The following ODF2L variants were observed in gnomAD, a reference collection of about 807,000 sequenced individuals.
ODF2L encodes the protein outer dense fiber of sperm tails 2 like, also known as protein BCAP.
In ODF2L, 76 loss-of-function variants were observed where a neutral mutation model predicts 86.3. The ratio of observed to expected loss-of-function variants is 0.88; its 90% confidence interval spans 0.73 to 1.07. ODF2L has a LOEUF of 1.07. Among genes scored for constraint, ODF2L ranks in the 50% least tolerant of loss-of-function variants. The probability of loss-of-function intolerance (pLI) is 0.00; values close to 1 mark genes in which losing one functional copy is unlikely to be tolerated. For missense variants in ODF2L, 748 were observed against 717.4 expected (o/e 1.04, Z -0.49); for synonymous variants, 241 against 231.3 (o/e 1.04, Z -0.38).
chr1:86,376,056 A>G (rs1029179917), intron 8 of ODF2L, among the ~76,000 whole-genome samples, 177 bp downstream of exon 8: 18 of 152,204 alleles, frequency 1.2e-4, no homozygotes, highest in Non-Finnish European at 5.9e-5. Context: ...CAATATGAAA[A>G]TTTGACATTT....
chr1:86,354,654 T>A (rs1658400953), exon 16 of ODF2L: 1 of 1,612,152 alleles, frequency 6.2e-7, no homozygotes, highest in Admixed American at 1.7e-5. Flanking sequence ...CAGCTTCTTC[T>A]CAAGCTCTTT....
chr1:86,382,622 T>A (rs889524460), intron 6 of ODF2L, among the ~76,000 whole-genome samples: 1 of 151,962 alleles, frequency 6.6e-6, no homozygotes, highest in African/African-American at 2.4e-5. Flanking sequence ...TGGGTATACC[T>A]AAAATGCTCC....
chr1:86,359,186 T>C (rs1046122397), intron 12 of ODF2L, among the ~76,000 whole-genome samples: 3 of 151,916 alleles, frequency 2.0e-5, no homozygotes, highest in African/African-American at 7.3e-5. Context: ...AGAATCAGTC[T>C]CTGGTCCAAA....
rs56318299 is a variant in ODF2L at position 86,357,837 on chromosome 1, G to A, written c.1359+950C>T. 1.4e-3 allele frequency: 1,343 copies of A among 985,214 alleles called. 10 individuals are homozygous for A. In the African/African-American group the frequency reaches 0.015, roughly 11 times the overall value. 61.0% of individuals were successfully genotyped at this position (985,214 alleles called of 1,614,324 possible). A position where few individuals can be genotyped will look rare whatever the true frequency, so the allele number is the denominator to read the frequency against. ...AAAAAGACAGGCTCCAACCCTTTCC[G>A]TCATTTGAACAGGATTGTAAAATAT... On this transcript the variant is annotated intron_variant, in intron 13 of 17. Transcript: ENST00000317336.
intron 11 of ODF2L, among the ~76,000 whole-genome samples, chr1:86,367,897 T>G (rs907694101): frequency 2.6e-5 from 4 of 152,186 alleles, no homozygotes; most frequent in Admixed American, 2.0e-4. Flanking sequence ...TGTTTCACAT[T>G]TCTGTCAAGT....
In ODF2L at chr1:86,360,428, G is replaced by C. The variant is rs1449553710; in HGVS notation, c.1252C>G (p.Gln418Glu). 7.2e-7 allele frequency: 1 copy of C among 1,398,216 alleles called. No individual in the cohort carries two copies. Among genetic ancestry groups the C allele is most frequent in the Admixed American group, 1.8e-5 (1 of 54,154 alleles). The allele number at this position is 1,398,216 out of a possible 1,614,324, so 86.6% of individuals were successfully genotyped here. The change falls in exon 12 of 18, where the codon CAG becomes GAG. Residue 418 changes from glutamine (Q) to glutamate (E), a missense_variant and splice_region_variant. Transcript: ENST00000317336. ...ACTAAAATAAATGCAGTAGTCACCT[G>C]AGTTTTATACATTTCAATAAGGGTT...
chr1:86,354,477 G>T, intron 16 of ODF2L, 53 bp downstream of exon 15: 1 of 1,187,632 alleles, frequency 8.4e-7, no homozygotes. Context: ...TGTTTAAAAA[G>T]ATGACTCTTT....
At chr1:86,380,205 C>T (rs904600558) in intron 7 of ODF2L, among the ~76,000 whole-genome samples, 2 of 152,032 alleles carry the variant, frequency 1.3e-5, no homozygotes, top group African/African-American at 4.8e-5. Context: ...CAACTTAACT[C>T]TACAATCATC....
At chr1:86,350,826 T>A (rs986149074) in exon 18 of ODF2L, 5 of 152,236 alleles carry the variant, frequency 3.3e-5, no homozygotes, top group Admixed American at 2.6e-4. Flanking sequence ...CACTGTAGTT[T>A]TGATTTGCAT....
At chr1:86,382,006 C>A in intron 7 of ODF2L, 1 of 351,634 alleles carries the variant, frequency 2.8e-6, no homozygotes, top group East Asian at 5.8e-5. Context: ...TAAAGTAATT[C>A]AATTCCATAA....
intron 9 of ODF2L, among the ~76,000 whole-genome samples, chr1:86,371,557 A>C (rs1282951152): frequency 3.9e-5 from 6 of 152,206 alleles, no homozygotes; most frequent in Non-Finnish European, 7.3e-5. Flanking sequence ...TTAGAAATGA[A>C]TTATATATGG....
At chr1:86,379,925 A>G (rs1488139737) in intron 7 of ODF2L, among the ~76,000 whole-genome samples, 1 of 152,182 alleles carries the variant, frequency 6.6e-6, no homozygotes, top group Non-Finnish European at 1.5e-5. Flanking sequence ...ACGGAATATT[A>G]GGCTGGGTAG....
At position 86,376,223 on chromosome 1, in the gene ODF2L, A is replaced by G. The variant is rs754272066; in HGVS notation, c.810+10T>C. 5.9e-6 allele frequency: 9 copies of G among 1,531,178 alleles called. No individual in the cohort carries two copies. The highest frequency in any genetic ancestry group is 7.2e-6 in the Non-Finnish European group (8 of 1,112,444). 94.8% of individuals were successfully genotyped at this position (1,531,178 alleles called of 1,614,324 possible). A position where few individuals can be genotyped will look rare whatever the true frequency, so the allele number is the denominator to read the frequency against. ...GATCTTTTAATTTTAAAAAGAATGC[A>G]TTTACATACCTGATCTCTAATTTGG... is the stretch of plus-strand genomic sequence containing the variant. On this transcript the variant is annotated intron_variant, in intron 8 of 17. Transcript: ENST00000317336.
intron 13 of ODF2L, chr1:86,358,053 T>C (rs1658727469): frequency 8.1e-6 from 8 of 985,448 alleles, no homozygotes; most frequent in Non-Finnish European, 8.4e-6. Flanking sequence ...TGGAGGACGC[T>C]TGCTCTGGCT....
intron 17 of ODF2L, chr1:86,352,287 C>G: frequency 1.4e-6 from 2 of 1,381,174 alleles, no homozygotes; most frequent in South Asian, 1.8e-5. Flanking sequence ...ATGAGTAATG[C>G]TAGCTTTCAG....
intron 8 of ODF2L, among the ~76,000 whole-genome samples, chr1:86,375,174 A>G (rs891375646): frequency 2.0e-5 from 3 of 152,212 alleles, no homozygotes; most frequent in African/African-American, 7.2e-5. Context: ...ATGATTAAAA[A>G]AAGAAAGAGC....
At chr1:86,376,261 T>C in exon 8 of ODF2L, 2 of 1,611,138 alleles carry the variant, frequency 1.2e-6, no homozygotes, top group Admixed American at 1.7e-5. Context: ...AGTAAGCTTT[T>C]CAATAGCTCC....
chr1:86,364,277 T>G (rs750101587), intron 11 of ODF2L, among the ~76,000 whole-genome samples: 4 of 152,186 alleles, frequency 2.6e-5, no homozygotes, highest in Non-Finnish European at 4.4e-5. Flanking sequence ...TCAATAAATA[T>G]TCATTGAGAG....
At chr1:86,387,284 T>C (rs1661023205) in intron 1 of ODF2L, among the ~76,000 whole-genome samples, 198 bp from the exon 2 acceptor site, 1 of 152,092 alleles carries the variant, frequency 6.6e-6, no homozygotes, top group South Asian at 2.1e-4. Context: ...CAATTGCCAA[T>C]TTCCATACAC....
Sources: allele counts gnomAD v4.1 joint callset (sites outside exome capture counted in the v4.1 genomes callset), GRCh38; gene constraint gnomAD v4.1.1; transcripts MANE v1.5; gene names NCBI Gene and HGNC (gene_info 2026-07-23, HGNC 2026-07-21).